The following BPTF variants were observed in gnomAD, a reference collection of about 807,000 sequenced individuals.
BPTF encodes nucleosome-remodeling factor subunit BPTF.
In BPTF, 18 loss-of-function variants were observed where a neutral mutation model predicts 292.5. The observed-to-expected ratio is 0.06, with a 90% confidence interval of 0.04 to 0.09. The LOEUF (loss-of-function observed/expected upper bound fraction) is 0.09. Among genes scored for constraint, BPTF ranks in the 10% least tolerant of loss-of-function variants. The pLI is 1.00. For missense variants in BPTF, 2,726 were observed against 3,498.7 expected (o/e 0.78, Z 5.57); for synonymous variants, 1,225 against 1,251.9 (o/e 0.98, Z 0.45).
chr17:67,837,254 G>A (rs2057202539), intron 1 of BPTF, among the ~76,000 whole-genome samples: 1 of 152,184 alleles, frequency 6.6e-6, no homozygotes, highest in African/African-American at 2.4e-5. Flanking sequence ...ATGTGCTAGA[G>A]ATGTACCTTT....
intron 11 of BPTF, among the ~76,000 whole-genome samples, chr17:67,916,161 G>A (rs542196684): frequency 6.6e-6 from 1 of 152,306 alleles, no homozygotes; most frequent in East Asian, 1.9e-4. Flanking sequence ...GCTCTGTCCA[G>A]GTCAGAGGAT....
intron 1 of BPTF, among the ~76,000 whole-genome samples, chr17:67,833,116 A>G (rs1031483981): frequency 2.0e-5 from 3 of 151,868 alleles, no homozygotes; most frequent in African/African-American, 4.8e-5. Flanking sequence ...TCTTATGGAC[A>G]TTTCTTATAA....
chr17:67,946,659 A>G (rs563025085), intron 21 of BPTF, among the ~76,000 whole-genome samples: 8 of 152,362 alleles, frequency 5.3e-5, no homozygotes, highest in African/African-American at 1.9e-4. Flanking sequence ...CATTATAGCA[A>G]TTCCTTTAAA....
intron 2 of BPTF, among the ~76,000 whole-genome samples, chr17:67,864,868 G>C (rs201872699): frequency 6.6e-6 from 1 of 151,586 alleles, no homozygotes; most frequent in African/African-American, 2.4e-5. Context: ...GAACTGGCGC[G>C]AACTCGGCTC....
At chr17:67,964,022 T>A (rs1256966344) in intron 24 of BPTF, among the ~76,000 whole-genome samples, 190 bp from the exon 25 acceptor site, 34 of 152,234 alleles carry the variant, frequency 2.2e-4, no homozygotes, top group Non-Finnish European at 3.5e-4. Flanking sequence ...TTATAAATTT[T>A]TTTACTGCTT....
chr17:67,886,525 G>A (rs1342990338), intron 4 of BPTF, among the ~76,000 whole-genome samples: 1 of 150,586 alleles, frequency 6.6e-6, no homozygotes, highest in African/African-American at 2.4e-5. Context: ...CAATGTTTTT[G>A]TTTTCAAAAT....
At chr17:67,841,345 G>A (rs889604467) in intron 1 of BPTF, among the ~76,000 whole-genome samples, 3 of 152,134 alleles carry the variant, frequency 2.0e-5, no homozygotes, top group African/African-American at 7.2e-5. Context: ...GGAGGCGGAG[G>A]TTGCAGTGAG....
chr17:67,943,271 C>G (rs2065534174), intron 19 of BPTF, among the ~76,000 whole-genome samples: 1 of 152,104 alleles, frequency 6.6e-6, no homozygotes, highest in Non-Finnish European at 1.5e-5. Flanking sequence ...TTTAGAAAAG[C>G]AAGAGTAAAT....
At chr17:67,916,136 A>T (rs896863774) in intron 11 of BPTF, among the ~76,000 whole-genome samples, 8 of 152,128 alleles carry the variant, frequency 5.3e-5, no homozygotes, top group African/African-American at 1.9e-4. Context: ...TTCCCCTCTG[A>T]TTTCCCCTTG....
chr17:67,961,980 A>T lies in BPTF; in HGVS notation c.8261+2105A>T, dbSNP rs1598942180. ...CAGAGCAAAGCTCTGTCAAAAAAAA[A>T]AAAGAAAAGAAAAAAAGCCGGGCCT... is the stretch of plus-strand genomic sequence containing the variant. On this transcript the variant is annotated intron_variant, in intron 24 of 27. Transcript: ENST00000306378. Among the ~76,000 whole-genome samples the T allele has an allele frequency of 2.6e-5, 4 of 151,786 alleles. No individual in the cohort carries two copies. In the South Asian group the frequency reaches 8.3e-4, roughly 32 times the overall value.
At chr17:67,867,274 T>C (rs2059446477) in intron 3 of BPTF, among the ~76,000 whole-genome samples, 1 of 152,236 alleles carries the variant, frequency 6.6e-6, no homozygotes, top group East Asian at 1.9e-4. Context: ...CTTATTAAAC[T>C]TTTTTGGCAT....
At chr17:67,839,527 C>A (rs936764711) in intron 1 of BPTF, among the ~76,000 whole-genome samples, 2 of 152,150 alleles carry the variant, frequency 1.3e-5, no homozygotes, top group African/African-American at 4.8e-5. Context: ...CCTACTTTTT[C>A]ATGTACTGTT....
intron 26 of BPTF, among the ~76,000 whole-genome samples, chr17:67,967,458 G>C (rs2068245617): frequency 6.6e-6 from 1 of 151,764 alleles, no homozygotes; most frequent in African/African-American, 2.4e-5. Context: ...GCATATTCTT[G>C]AACCCAGCAG....
chr17:67,888,324 C>T (rs933493367), intron 4 of BPTF, among the ~76,000 whole-genome samples: 1 of 152,012 alleles, frequency 6.6e-6, no homozygotes, highest in Non-Finnish European at 1.5e-5. Context: ...CTCGGTGGCT[C>T]ACACCTGTAA....
intron 1 of BPTF, among the ~76,000 whole-genome samples, chr17:67,827,478 CCAAAG>C (rs2056195474): frequency 6.6e-6 from 1 of 152,058 alleles, no homozygotes; most frequent in Admixed American, 6.6e-5. Flanking sequence ...ATTAACATAA[CCAAAG>C]CAACAACCGG....
intron 10 of BPTF, among the ~76,000 whole-genome samples, chr17:67,910,034 C>G (rs1362556937): frequency 6.6e-6 from 1 of 152,190 alleles, no homozygotes; most frequent in East Asian, 1.9e-4. Context: ...TTCCCAACCC[C>G]TCCCGAAAGT....
At chr17:67,970,204 C>G (rs1555690080) in intron 26 of BPTF, among the ~76,000 whole-genome samples, 1 of 151,564 alleles carries the variant, frequency 6.6e-6, no homozygotes, top group Non-Finnish European at 1.5e-5. Flanking sequence ...TTGCACTCCT[C>G]CAGCCTGGGC....
chr17:67,904,905 G>A (rs2062072522), intron 9 of BPTF, 65 bp downstream of exon 9: 1 of 1,289,294 alleles, frequency 7.8e-7, no homozygotes, highest in Non-Finnish European at 1.1e-6. Context: ...TAAATTTGTA[G>A]TATTTTGACT....
At chr17:67,845,437 G>A (rs1234914310) in intron 1 of BPTF, among the ~76,000 whole-genome samples, 1 of 152,184 alleles carries the variant, frequency 6.6e-6, no homozygotes. Context: ...TCCCTTTGGA[G>A]TCTTACTGAA....
Sources: gnomAD v4.1 joint callset for allele counts (sites outside exome capture counted in the v4.1 genomes callset) on GRCh38, gnomAD v4.1.1 for gene constraint, MANE v1.5 for transcripts, NCBI Gene and HGNC (gene_info 2026-07-23, HGNC 2026-07-21) for gene names.